C9: variants seen among roughly 807,000 people sequenced by gnomAD.
C9 encodes complement C9.
Under a neutral mutation model 65.4 loss-of-function variants are expected in C9, and 63 were observed. That is an observed-to-expected ratio of 0.96 (90% CI 0.79 to 1.19). The LOEUF (loss-of-function observed/expected upper bound fraction) is 1.19. Among genes scored for constraint, C9 ranks in the 50% most tolerant of loss-of-function variants. The pLI, the probability that C9 is intolerant of heterozygous loss-of-function variation, is 0.00. For missense variants in C9, 744 were observed against 670.1 expected (o/e 1.11, Z -1.22); for synonymous variants, 229 against 227.9 (o/e 1.00, Z -0.04).
chr5:39,354,492 C>A (rs748860910), intron 1 of C9, among the ~76,000 whole-genome samples: 1 of 152,190 alleles, frequency 6.6e-6, no homozygotes, highest in Non-Finnish European at 1.5e-5. Context: ...TTAGCAACAT[C>A]TGGTGGAAAT....
At chr5:39,302,369 G>A (rs1314144100) in intron 9 of C9, among the ~76,000 whole-genome samples, 6 of 152,102 alleles carry the variant, frequency 3.9e-5, no homozygotes, top group African/African-American at 1.4e-4. Context: ...GTATAAATAA[G>A]TTGATAATAT....
intron 1 of C9, among the ~76,000 whole-genome samples, chr5:39,355,369 T>C (rs528600678): frequency 1.1e-4 from 17 of 152,236 alleles, no homozygotes; most frequent in Admixed American, 3.9e-4. Context: ...TAGACAGTTC[T>C]CTAACATGAT....
chr5:39,352,756 A>T (rs1444810026), intron 1 of C9, among the ~76,000 whole-genome samples: 2 of 152,226 alleles, frequency 1.3e-5, no homozygotes, highest in South Asian at 2.1e-4. Flanking sequence ...GGGGTCTTTT[A>T]AAAATGCAAA....
At position 39,342,200 on chromosome 5, in the gene C9, A is replaced by T. The variant is rs777338837; in HGVS notation, c.78-4T>A. 1.4e-6 allele frequency: 2 copies of T among 1,473,388 alleles called. No individual in the cohort carries two copies. Among genetic ancestry groups the T allele is most frequent in the East Asian group, 4.5e-5 (2 of 44,266 alleles). The allele number at this position is 1,473,388 out of a possible 1,614,324, so 91.3% of individuals were successfully genotyped here. Reference sequence around the variant, plus strand: ...TTCTGTTAGCTCTGGGTCATAACTAAGATAACAGAACATCCCAGTTTATAA... The same window carrying T: ...TTCTGTTAGCTCTGGGTCATAACTATGATAACAGAACATCCCAGTTTATAA... On this transcript the variant is annotated splice_polypyrimidine_tract_variant and splice_region_variant and intron_variant, in intron 1 of 10. Coordinates refer to ENST00000263408, the MANE Select transcript of C9 (RefSeq NM_001737.5).
chr5:39,333,132 T>G (rs696759), intron 4 of C9, among the ~76,000 whole-genome samples: 76,999 of 151,804 alleles, frequency 0.51, 20,442 homozygotes, highest in African/African-American at 0.68. Context: ...TGAGAAAAAA[T>G]AAAAAAACAT....
chr5:39,308,744 C>T (rs946453787), intron 7 of C9, among the ~76,000 whole-genome samples: 1 of 152,108 alleles, frequency 6.6e-6, no homozygotes. Flanking sequence ...TAATTTAATC[C>T]TCACACTGGC....
intron 2 of C9, 64 bp downstream of exon 2, chr5:39,342,027 T>C: frequency 1.1e-6 from 1 of 935,832 alleles, no homozygotes; most frequent in Admixed American, 1.7e-5. Flanking sequence ...ATCATTTTTC[T>C]GGAGAGGCTA....
chr5:39,319,024 C>T (rs771139828), intron 5 of C9, among the ~76,000 whole-genome samples: 5 of 151,998 alleles, frequency 3.3e-5, no homozygotes, highest in Non-Finnish European at 7.4e-5. Context: ...CTTTTTCTTT[C>T]TAGAATGTTC....
intron 3 of C9, 116 bp downstream of exon 3, chr5:39,341,440 T>A (rs1488023671): frequency 1.3e-5 from 19 of 1,439,756 alleles, no homozygotes; most frequent in Non-Finnish European, 1.9e-5. Flanking sequence ...GATGGCCTCT[T>A]TTGGGGCCTT....
intron 9 of C9, among the ~76,000 whole-genome samples, chr5:39,294,609 C>T (rs1753151330): frequency 6.6e-6 from 1 of 151,792 alleles, no homozygotes; most frequent in South Asian, 2.1e-4. Flanking sequence ...GACCAGATGG[C>T]TTCAATGTTG....
rs1161124569 is a variant in C9, at chr5:39,284,334, T to A, written c.*865A>T. The A allele has an allele frequency of 2.0e-5, 3 of 152,162 alleles. No individual in the cohort carries two copies. Among genetic ancestry groups the A allele is most frequent in the African/African-American group, 7.2e-5 (3 of 41,434 alleles). The allele number at this position is 152,162 out of a possible 1,614,324, so 9.4% of individuals were successfully genotyped here. A position where few individuals can be genotyped will look rare whatever the true frequency, so the allele number is the denominator to read the frequency against. ...AAGGTCTCAGACCCTAAGCACCATG[T>A]TCTCTAATGAATAAGATTGTACAAC... On this transcript the variant is annotated 3_prime_UTR_variant, in exon 11 of 11. Transcript: ENST00000263408.
Position 39,288,718 on chromosome 5 carries a change from C to T in C9, c.1645+5G>A, listed in dbSNP as rs1017675943. On this transcript the variant is annotated splice_donor_5th_base_variant and intron_variant, in intron 10 of 10. Coordinates refer to ENST00000263408, the MANE Select transcript of C9 (RefSeq NM_001737.5). ...CTTTAATCACATCAAATAAATTGTC[C>T]TCACCTTCAGAAATTTTTTGTTTAC... The T allele has an allele frequency of 1.5e-5, 24 of 1,558,966 alleles. No individual in the cohort carries two copies. The highest frequency in any genetic ancestry group is 7.1e-6 in the Non-Finnish European group (8 of 1,130,608).
intron 5 of C9, among the ~76,000 whole-genome samples, chr5:39,320,495 A>G (rs28819522): frequency 0.11 from 16,711 of 152,194 alleles, 1,183 homozygotes; most frequent in African/African-American, 0.2. Flanking sequence ...AACAAAAAAT[A>G]AAAAAGAAAT....
At chr5:39,309,099 A>T (rs1753431082) in intron 7 of C9, among the ~76,000 whole-genome samples, 1 of 151,644 alleles carries the variant, frequency 6.6e-6, no homozygotes, top group South Asian at 2.1e-4. Context: ...ATGCCCAAAC[A>T]GTTACTAGAA....
At chr5:39,346,951 G>A (rs150949387) in intron 1 of C9, among the ~76,000 whole-genome samples, 6,580 of 152,144 alleles carry the variant, frequency 0.043, 468 homozygotes, top group African/African-American at 0.15. Context: ...TGCAGAAAAG[G>A]CCTTTGACAA....
In C9 at chr5:39,284,389, C is replaced by T. The variant is rs1021364496; in HGVS notation, c.*810G>A. On this transcript the variant is annotated 3_prime_UTR_variant, in exon 11 of 11. Transcript: ENST00000263408. ...GTTAATCAGCTTCTCAGGTAGGTAA[C>T]CTTACCTTATACAACTCATAAGGCT... 2 of 152,022 alleles carry T rather than the reference C, an allele frequency of 1.3e-5. No homozygotes were observed. The highest frequency in any genetic ancestry group is 2.4e-5 in the African/African-American group (1 of 41,380). 9.4% of individuals were successfully genotyped at this position (152,022 alleles called of 1,614,324 possible). A position where few individuals can be genotyped will look rare whatever the true frequency, so the allele number is the denominator to read the frequency against.
At chr5:39,297,455 T>C (rs1427878577) in intron 9 of C9, among the ~76,000 whole-genome samples, 1 of 151,564 alleles carries the variant, frequency 6.6e-6, no homozygotes, top group Non-Finnish European at 1.5e-5. Context: ...TTACTTTAGA[T>C]AAAAATAGCA....
intron 4 of C9, among the ~76,000 whole-genome samples, chr5:39,339,245 T>C (rs555925329): frequency 6.6e-6 from 1 of 152,290 alleles, no homozygotes; most frequent in African/African-American, 2.4e-5. Context: ...TGATTTGAGA[T>C]TCCCACCTTT....
rs753549652 is a variant in C9, at chr5:39,308,263, C to T, written c.1207G>A (p.Asp403Asn). The part of the protein sequence containing the change: ...EISVGAEFNK[D>N]DCVKRGEGRA... ...CCCTCTCCCCTCTTTACACAATCAT[C>T]TTTATTAAATTCAGCTCCAACAGAG... The change falls in exon 8 of 11, where the codon GAT becomes AAT. Residue 403 changes from aspartate (D) to asparagine (N), a missense_variant. By Grantham distance (23) the Asp-to-Asn change is conservative (BLOSUM62 1). Coordinates refer to ENST00000263408, the MANE Select transcript of C9 (RefSeq NM_001737.5). The T allele has an allele frequency of 6.2e-7, 1 of 1,612,856 alleles. No homozygotes were observed. The highest frequency in any genetic ancestry group is 1.1e-5 in the South Asian group (1 of 91,070).
Sources: allele counts gnomAD v4.1 joint callset (sites outside exome capture counted in the v4.1 genomes callset), GRCh38; gene constraint gnomAD v4.1.1; transcripts MANE v1.5; gene names NCBI Gene and HGNC (gene_info 2026-07-23, HGNC 2026-07-21).